The following TRPM3 variants were observed in gnomAD, a reference collection of about 807,000 sequenced individuals.
The protein encoded by TRPM3 is transient receptor potential cation channel subfamily M member 3.
A neutral mutation model predicts 181.2 loss-of-function variants in TRPM3; 77 were observed. The observed-to-expected ratio is 0.42, with a 90% CI of 0.35 to 0.51. The LOEUF (loss-of-function observed/expected upper bound fraction) is 0.51. Among genes scored for constraint, TRPM3 ranks in the 20% least tolerant of loss-of-function variants. The probability of loss-of-function intolerance (pLI) is 0.01; values close to 1 mark genes in which losing one functional copy is unlikely to be tolerated. For missense variants in TRPM3, 1,759 were observed against 2,196.7 expected, an observed-to-expected ratio of 0.80 and a Z score of 3.98; for synonymous variants, 745 against 796.4, an observed-to-expected ratio of 0.94 and a Z score of 1.09.
intron 1 of TRPM3, among the ~76,000 whole-genome samples, chr9:71,302,881 A>G (rs2086905935): frequency 6.6e-6 from 1 of 152,150 alleles, no homozygotes; most frequent in African/African-American, 2.4e-5. Context: ...GGGAGAAGTC[A>G]AGAATTAAGA....
intron 1 of TRPM3, among the ~76,000 whole-genome samples, chr9:71,428,293 A>G (rs1387375037): frequency 2.3e-5 from 3 of 130,638 alleles, no homozygotes; most frequent in African/African-American, 5.9e-5. Context: ...ATGGGGTTTC[A>G]CCAAGTTGGC....
intron 1 of TRPM3, among the ~76,000 whole-genome samples, chr9:71,316,854 A>C (rs1012100591): frequency 2.6e-5 from 4 of 152,122 alleles, no homozygotes; most frequent in Admixed American, 2.6e-4. Flanking sequence ...ATAAGAATTA[A>C]TCTCATCGTA....
intron 1 of TRPM3, among the ~76,000 whole-genome samples, chr9:71,120,436 T>C (rs1025176963): frequency 2.0e-5 from 3 of 152,212 alleles, no homozygotes; most frequent in Non-Finnish European, 4.4e-5. Context: ...ACTTTTTCAG[T>C]ATCTTTAATG....
chr9:70,792,508 G>GGA (rs1236122398), intron 6 of TRPM3, among the ~76,000 whole-genome samples: 2 of 151,090 alleles, frequency 1.3e-5, no homozygotes, highest in Non-Finnish European at 2.9e-5. Context: ...GGAAAAAGAG[G>GGA]GAGAGAGAGA....
intron 7 of TRPM3, among the ~76,000 whole-genome samples, chr9:70,782,594 C>T (rs1321049721): frequency 7.2e-5 from 11 of 152,024 alleles, no homozygotes; most frequent in Admixed American, 7.2e-4. Flanking sequence ...AGTTTGGGTA[C>T]ATATTCTCTT....
chr9:70,937,830 C>T (rs1272249581), intron 1 of TRPM3, among the ~76,000 whole-genome samples: 2 of 142,354 alleles, frequency 1.4e-5, no homozygotes, highest in Admixed American at 1.5e-4. Context: ...CTGCAGAAGT[C>T]AACTGAGACC....
At chr9:71,075,987 G>A (rs1051919518) in intron 1 of TRPM3, among the ~76,000 whole-genome samples, 1 of 152,060 alleles carries the variant, frequency 6.6e-6, no homozygotes, top group African/African-American at 2.4e-5. Flanking sequence ...TGATTTTTTT[G>A]TTGTTGTAGT....
chr9:71,129,417 T>C (rs1046253980), intron 1 of TRPM3, among the ~76,000 whole-genome samples: 2 of 152,198 alleles, frequency 1.3e-5, no homozygotes, highest in East Asian at 3.9e-4. Context: ...AGTGGCTATG[T>C]GATAATATTA....
intron 1 of TRPM3, among the ~76,000 whole-genome samples, chr9:70,957,245 T>C (rs538372334): frequency 2.6e-5 from 4 of 152,284 alleles, no homozygotes; most frequent in Admixed American, 2.6e-4. Context: ...ATTACAGGCA[T>C]GAGCCACTGC....
chr9:70,594,437 G>A (rs1029577679), intron 21 of TRPM3, among the ~76,000 whole-genome samples: 1 of 152,140 alleles, frequency 6.6e-6, no homozygotes, highest in South Asian at 2.1e-4. Context: ...GAGGGGGTAT[G>A]ATGATGACAT....
intron 1 of TRPM3, among the ~76,000 whole-genome samples, chr9:70,886,960 C>T (rs769389744): frequency 5.9e-5 from 9 of 152,112 alleles, no homozygotes; most frequent in Admixed American, 2.0e-4. Flanking sequence ...CCACCGTGCC[C>T]GGAGAGTCAA....
At chr9:70,600,977 C>T (rs140509923) in intron 20 of TRPM3, among the ~76,000 whole-genome samples, 209 of 152,280 alleles carry the variant, frequency 1.4e-3, no homozygotes, top group Middle Eastern at 6.8e-3. Flanking sequence ...AGAATCCCCC[C>T]TGCCTCCTCC....
rs147613614 is a variant in TRPM3 at position 70,596,359 on chromosome 9, A to C, written c.3048+2060T>G. Among the ~76,000 whole-genome samples, 10 of 152,350 alleles carry C rather than the reference A, an allele frequency of 6.6e-5. 1 individual carries two copies. The East Asian group carries it at 1.9e-3, about 29-fold the overall frequency. ...ATTTAAGATTCATTTCAGTAGAGAT[A>C]CACATACATACATACACAGAGCTGT... On this transcript the variant is annotated intron_variant, in intron 21 of 25. Transcript: ENST00000677713.
chr9:70,823,033 C>T (rs773912846), intron 6 of TRPM3, among the ~76,000 whole-genome samples: 2 of 152,144 alleles, frequency 1.3e-5, no homozygotes, highest in Non-Finnish European at 2.9e-5. Context: ...GACCATCTGC[C>T]GTGGCCTGCT....
chr9:71,176,398 C>T (rs2077107697), intron 1 of TRPM3, among the ~76,000 whole-genome samples: 1 of 151,906 alleles, frequency 6.6e-6, no homozygotes, highest in Non-Finnish European at 1.5e-5. Flanking sequence ...AAATAACATA[C>T]TTTTTAATTG....
intron 1 of TRPM3, among the ~76,000 whole-genome samples, chr9:71,242,253 C>A (rs73647975): frequency 1.3e-5 from 2 of 152,130 alleles, no homozygotes; most frequent in Non-Finnish European, 1.5e-5. Flanking sequence ...TCACTAACTG[C>A]GCAGATGTGG....
chr9:71,032,373 G>C (rs1316315554), intron 1 of TRPM3, among the ~76,000 whole-genome samples: 1 of 150,442 alleles, frequency 6.6e-6, no homozygotes, highest in Non-Finnish European at 1.5e-5. Flanking sequence ...GGTTAAAAAA[G>C]TGATTTCCTG....
intron 1 of TRPM3, among the ~76,000 whole-genome samples, chr9:71,357,406 C>A (rs983913301): frequency 2.6e-5 from 4 of 152,208 alleles, no homozygotes; most frequent in Admixed American, 2.0e-4. Context: ...GATAATGAAC[C>A]AAAGTTTAGG....
At chr9:71,094,931 G>C (rs1466091937) in intron 1 of TRPM3, among the ~76,000 whole-genome samples, 1 of 152,086 alleles carries the variant, frequency 6.6e-6, no homozygotes, top group Non-Finnish European at 1.5e-5. Context: ...GCAAGGGTGA[G>C]AAAAAAGACA....
Sources: allele counts gnomAD v4.1 joint callset (sites outside exome capture counted in the v4.1 genomes callset), GRCh38; gene constraint gnomAD v4.1.1; transcripts MANE v1.5; gene names NCBI Gene and HGNC (gene_info 2026-07-23, HGNC 2026-07-21).